The following AFF3 variants were observed in gnomAD, a reference collection of about 807,000 sequenced individuals.
AFF3 encodes ALF transcription elongation factor 3.
AFF3 carries 32 observed loss-of-function variants against 129.7 expected under a neutral mutation model. The observed-to-expected ratio is 0.25, with a 90% CI of 0.19 to 0.33. The LOEUF (loss-of-function observed/expected upper bound fraction) is 0.33. Among genes scored for constraint, AFF3 ranks in the 10% least tolerant of loss-of-function variants. The probability of loss-of-function intolerance (pLI) is 1.00; values close to 1 mark genes in which losing one functional copy is unlikely to be tolerated. For synonymous variants in AFF3, 644 were observed against 635.4 expected, an observed-to-expected ratio of 1.01 and a Z score of -0.20; for missense variants, 1,373 against 1,592.0, an observed-to-expected ratio of 0.86 and a Z score of 2.34.
rs59005550 is a variant in AFF3 at position 100,059,254 on chromosome 2, CAAAAAAAAAA to C, written c.53+45138_53+45147del. ...GGCAACAGAAGTGAGACTCTGTCTC[CAAAAAAAAAA>C]AAAAAAAAAAAAAAAGCAATGGATC... is the stretch of plus-strand genomic sequence containing the variant. On this transcript the variant is annotated intron_variant, in intron 4 of 24. Transcript: ENST00000672756. Among the ~76,000 whole-genome samples, 9 of 31,022 alleles carry C rather than the reference CAAAAAAAAAA, an allele frequency of 2.9e-4. 1 individual carries two copies. Among genetic ancestry groups the C allele is most frequent in the African/African-American group, 7.6e-4 (5 of 6,586 alleles). The allele number at this position is 31,022 out of a possible 152,430, so 20.4% of individuals were successfully genotyped here.
At chr2:99,972,065 G>A (rs1219976080) in intron 7 of AFF3, among the ~76,000 whole-genome samples, 3 of 152,202 alleles carry the variant, frequency 2.0e-5, no homozygotes, top group African/African-American at 7.2e-5. Context: ...CCTAGGGCCA[G>A]CTGACCATCT....
At chr2:99,882,995 G>A (rs1453685515) in intron 7 of AFF3, among the ~76,000 whole-genome samples, 1 of 152,210 alleles carries the variant, frequency 6.6e-6, no homozygotes, top group Non-Finnish European at 1.5e-5. Context: ...ATTCTGCACA[G>A]ATATTTAACT....
chr2:100,134,050 T>C lies in AFF3; in HGVS notation c.-227-4744A>G, dbSNP rs184350842. ...ATAGTATTTCACTGGACTAATATGG[T>C]ACAATTTGCTCAAGCCACTCTCTAT... On this transcript the variant is annotated intron_variant, in intron 1 of 24. Transcript: ENST00000672756. Among the ~76,000 whole-genome samples, 353 of 152,340 alleles carry C rather than the reference T, an allele frequency of 2.3e-3. 1 individual carries two copies. Among genetic ancestry groups the C allele is most frequent in the Non-Finnish European group, 3.7e-3 (253 of 68,030 alleles).
chr2:99,642,808 G>A lies in AFF3; in HGVS notation c.1184+6818C>T, dbSNP rs541079781. ...TGCCACTTGTGGCCCTGGGTGAGTT[G>A]CATCACCTGTTCGCGGCTCAGTTTT... On this transcript the variant is annotated intron_variant, in intron 13 of 24. Transcript: ENST00000672756. Among the ~76,000 whole-genome samples the A allele has an allele frequency of 3.3e-5, 5 of 152,180 alleles. No homozygotes were observed. In the South Asian group the frequency reaches 6.2e-4, roughly 19 times the overall value.
rs1242228462 is a variant in AFF3 at position 100,083,515 on chromosome 2, C to T, written c.53+20887G>A. Among the ~76,000 whole-genome samples, 7 of 152,262 alleles carry T rather than the reference C, an allele frequency of 4.6e-5. No individual in the cohort carries two copies. The South Asian group carries it at 1.2e-3, about 27-fold the overall frequency. ...AACGGCTTTGCCAAGCTACCCTCTT[C>T]GTGCCCACCGTTTCCTTTGCTGCTA... On this transcript the variant is annotated intron_variant, in intron 4 of 24. Coordinates refer to ENST00000672756, the MANE Select transcript of AFF3 (RefSeq NM_001386135.1).
intron 10 of AFF3, among the ~76,000 whole-genome samples, chr2:99,742,135 C>T (rs1042143465): frequency 6.6e-6 from 1 of 152,040 alleles, no homozygotes; most frequent in Admixed American, 6.6e-5. Flanking sequence ...GCAAGAGGAC[C>T]GCTTGAGGCC....
chr2:99,730,363 T>G (rs1679723058), intron 10 of AFF3, among the ~76,000 whole-genome samples: 1 of 152,246 alleles, frequency 6.6e-6, no homozygotes. Context: ...GTGGAATTCA[T>G]GCTCTTTAAA....
chr2:99,701,665 C>T (rs1472899372), intron 11 of AFF3, among the ~76,000 whole-genome samples: 3 of 152,204 alleles, frequency 2.0e-5, no homozygotes. Context: ...ATTCAGATTT[C>T]AACAGTTATG....
chr2:99,637,985 A>G (rs559995711), intron 13 of AFF3, among the ~76,000 whole-genome samples: 1 of 152,318 alleles, frequency 6.6e-6, no homozygotes, highest in East Asian at 1.9e-4. Flanking sequence ...AGTGATTTCA[A>G]TATTTTACCC....
chr2:99,634,955 A>G, intron 13 of AFF3, among the ~76,000 whole-genome samples: 1 of 127,472 alleles, frequency 7.8e-6, no homozygotes, highest in East Asian at 2.4e-4. Flanking sequence ...GCAGAGCTGG[A>G]TTCTGTCATA....
intron 7 of AFF3, among the ~76,000 whole-genome samples, chr2:99,890,816 G>A (rs573237088): frequency 1.4e-4 from 21 of 152,228 alleles, no homozygotes; most frequent in African/African-American, 2.4e-4. Context: ...CACCACCACC[G>A]GGACCTGCAC....
intron 4 of AFF3, among the ~76,000 whole-genome samples, chr2:100,093,908 A>G (rs1690074617): frequency 6.6e-6 from 1 of 152,218 alleles, no homozygotes; most frequent in Non-Finnish European, 1.5e-5. Context: ...ACACCATGGT[A>G]AAAACGTGAG....
At chr2:99,957,203 G>A (rs994928334) in intron 7 of AFF3, among the ~76,000 whole-genome samples, 12 of 152,076 alleles carry the variant, frequency 7.9e-5, no homozygotes, top group Admixed American at 2.0e-4. Flanking sequence ...GTGCGCGCGC[G>A]CGCATTTTTA....
At chr2:99,705,810 G>T (rs964418882) in intron 11 of AFF3, among the ~76,000 whole-genome samples, 3 of 145,954 alleles carry the variant, frequency 2.1e-5, no homozygotes, top group African/African-American at 7.5e-5. Flanking sequence ...GGAGGCGGAG[G>T]TTGCAGTGAG....
At chr2:99,831,288 A>C (rs890721390) in intron 8 of AFF3, among the ~76,000 whole-genome samples, 1 of 152,248 alleles carries the variant, frequency 6.6e-6, no homozygotes, top group African/African-American at 2.4e-5. Context: ...AATAACTATA[A>C]AAGTAATCTT....
chr2:99,954,594 G>A (rs1423234310), intron 7 of AFF3, among the ~76,000 whole-genome samples: 1 of 151,932 alleles, frequency 6.6e-6, no homozygotes. Context: ...CATAAAAAAT[G>A]ATGAGTTCAT....
At chr2:99,800,303 T>C (rs980547548) in intron 8 of AFF3, among the ~76,000 whole-genome samples, 3 of 151,910 alleles carry the variant, frequency 2.0e-5, no homozygotes, top group Admixed American at 1.3e-4. Flanking sequence ...GGATGGAAAA[T>C]AAGTGTATGA....
At chr2:100,072,414 G>A (rs568488344) in intron 4 of AFF3, among the ~76,000 whole-genome samples, 5 of 152,246 alleles carry the variant, frequency 3.3e-5, no homozygotes, top group African/African-American at 7.2e-5. Context: ...TGTCTTCCAC[G>A]AAACCGGTCC....
intron 13 of AFF3, among the ~76,000 whole-genome samples, chr2:99,625,246 A>G (rs551821601): frequency 6.6e-6 from 1 of 152,246 alleles, no homozygotes; most frequent in Non-Finnish European, 1.5e-5. Flanking sequence ...CAATCAAAAT[A>G]TCGTTTGCGT....
Sources: gnomAD v4.1 joint callset for allele counts (sites outside exome capture counted in the v4.1 genomes callset) on GRCh38, gnomAD v4.1.1 for gene constraint, MANE v1.5 for transcripts, NCBI Gene and HGNC (gene_info 2026-07-23, HGNC 2026-07-21) for gene names.